The following IL1RAPL2 variants were observed in gnomAD, a reference collection of about 807,000 sequenced individuals.
IL1RAPL2 encodes the protein interleukin 1 receptor accessory protein like 2, also known as X-linked interleukin-1 receptor accessory protein-like 2.
Under a neutral mutation model 44.1 loss-of-function variants are expected in IL1RAPL2, and 3 were observed. That is an observed-to-expected ratio of 0.07 (90% CI 0.03 to 0.18). IL1RAPL2 has a LOEUF of 0.18. Ranked by LOEUF, IL1RAPL2 falls within the 10% of genes least tolerant of loss-of-function variation. The pLI is 1.00. For missense variants in IL1RAPL2, 391 were observed against 496.4 expected (o/e 0.79, Z 2.02); for synonymous variants, 181 against 178.8 (o/e 1.01, Z -0.10).
chrX:105,573,603 G>A (rs2037030216), intron 6 of IL1RAPL2, among the ~76,000 whole-genome samples: 1 of 110,817 alleles, frequency 9.0e-6, no homozygotes, highest in South Asian at 3.8e-4. Context: ...GGGGAGGAGT[G>A]TGAGATGACT....
rs907493224 is a variant in IL1RAPL2 at position 105,008,343 on chromosome X, C to G, written c.83-187132C>G. ...TAACATTGCCATGATGGCAACCCAG[C>G]TTTAACATGAGTTTTTAAGTGAACA... On this transcript the variant is annotated intron_variant, in intron 2 of 10. Transcript: ENST00000372582. Among the ~76,000 whole-genome samples, 3 of 111,619 alleles carry G rather than the reference C, an allele frequency of 2.7e-5. No homozygotes were observed. The East Asian group carries it at 8.5e-4, about 32-fold the overall frequency.
chrX:105,134,930 GA>G, intron 2 of IL1RAPL2, among the ~76,000 whole-genome samples: 1 of 108,993 alleles, frequency 9.2e-6, no homozygotes, highest in Admixed American at 9.9e-5. Context: ...TCTCCAACTA[GA>G]GTTTGCTATC....
intron 2 of IL1RAPL2, among the ~76,000 whole-genome samples, chrX:104,769,856 T>C (rs1378961049): frequency 8.9e-6 from 1 of 112,106 alleles, no homozygotes; most frequent in Non-Finnish European, 1.9e-5. Flanking sequence ...CTAAGCATCA[T>C]GGCTTGGTTT....
At chrX:105,363,875 A>G (rs2035272787) in intron 5 of IL1RAPL2, among the ~76,000 whole-genome samples, 1 of 110,738 alleles carries the variant, frequency 9.0e-6, no homozygotes, top group Non-Finnish European at 1.9e-5. Context: ...ATTGTTTGCA[A>G]ATATTTTCTC....
At chrX:104,723,243 G>T (rs1046978154) in intron 2 of IL1RAPL2, among the ~76,000 whole-genome samples, 6 of 111,620 alleles carry the variant, frequency 5.4e-5, no homozygotes, top group African/African-American at 1.9e-4. Context: ...AAGTTGAAGG[G>T]TGAAGTATCA....
At chrX:104,986,358 C>T (rs923840840) in intron 2 of IL1RAPL2, among the ~76,000 whole-genome samples, 7 of 112,156 alleles carry the variant, frequency 6.2e-5, no homozygotes, top group Non-Finnish European at 1.1e-4. Context: ...CAGAGTCTGG[C>T]ACACATTAAG....
intron 2 of IL1RAPL2, among the ~76,000 whole-genome samples, chrX:104,734,272 G>A (rs1326864171): frequency 2.7e-5 from 3 of 112,147 alleles, no homozygotes; most frequent in African/African-American, 9.7e-5. Context: ...TACTACTTCC[G>A]TACAACTGAG....
At chrX:105,272,575 T>C (rs1167321008) in intron 5 of IL1RAPL2, among the ~76,000 whole-genome samples, 2 of 112,059 alleles carry the variant, frequency 1.8e-5, no homozygotes, top group Non-Finnish European at 3.8e-5. Flanking sequence ...GGTAATCTCT[T>C]AACCCATTGG....
chrX:104,755,516 C>T (rs1388578204), intron 2 of IL1RAPL2, among the ~76,000 whole-genome samples: 3 of 110,286 alleles, frequency 2.7e-5, no homozygotes, highest in Admixed American at 1.9e-4. Context: ...ACCCCTGAAC[C>T]TAAAATTAAG....
At chrX:104,641,887 A>G (rs747483236) in intron 1 of IL1RAPL2, among the ~76,000 whole-genome samples, 1 of 111,642 alleles carries the variant, frequency 9.0e-6, no homozygotes, top group Non-Finnish European at 1.9e-5. Flanking sequence ...ACTATGCTTG[A>G]AAATGATGCC....
intron 2 of IL1RAPL2, among the ~76,000 whole-genome samples, chrX:104,796,852 C>T (rs1156331353): frequency 9.0e-6 from 1 of 111,432 alleles, no homozygotes; most frequent in African/African-American, 3.3e-5. Context: ...CTCACTGCAA[C>T]CTCCACCTCC....
chrX:105,486,180 G>A (rs1208585474), intron 6 of IL1RAPL2, among the ~76,000 whole-genome samples: 1 of 111,624 alleles, frequency 9.0e-6, no homozygotes, highest in African/African-American at 3.3e-5. Flanking sequence ...ATACCTCCTT[G>A]TAGTTTTTGG....
chrX:105,263,229 T>C (rs759665632), intron 4 of IL1RAPL2, among the ~76,000 whole-genome samples: 1 of 84,363 alleles, frequency 1.2e-5, no homozygotes, highest in Non-Finnish European at 2.3e-5. Flanking sequence ...TGTGGGAGAA[T>C]ACAGTCTCCA....
At chrX:105,083,356 G>A (rs1184997590) in intron 2 of IL1RAPL2, among the ~76,000 whole-genome samples, 1 of 111,696 alleles carries the variant, frequency 9.0e-6, no homozygotes, top group African/African-American at 3.3e-5. Flanking sequence ...CTGGGAGAAT[G>A]GAACCAAGTT....
intron 2 of IL1RAPL2, among the ~76,000 whole-genome samples, chrX:104,874,446 T>C (rs1012247377): frequency 1.8e-5 from 2 of 109,264 alleles, no homozygotes; most frequent in Non-Finnish European, 1.9e-5. Flanking sequence ...TTAGTTCCAA[T>C]GGCAATGCTC....
intron 2 of IL1RAPL2, among the ~76,000 whole-genome samples, chrX:104,927,380 T>C (rs998615761): frequency 9.0e-6 from 1 of 111,673 alleles, no homozygotes; most frequent in Non-Finnish European, 1.9e-5. Flanking sequence ...GTATTGTTGT[T>C]TAATTTTAGT....
At chrX:105,136,443 G>T (rs751579315) in intron 2 of IL1RAPL2, among the ~76,000 whole-genome samples, 1 of 112,228 alleles carries the variant, frequency 8.9e-6, no homozygotes, top group African/African-American at 3.2e-5. Context: ...TCATATTTTC[G>T]TGAGTCTTTG....
chrX:105,529,800 A>G lies in IL1RAPL2; in HGVS notation c.772+45413A>G, dbSNP rs1329452335. ...TCTTTATACTTTTTGACAATTCTAG[A>G]TATGGAACCATACAACATGTCCTTT... On this transcript the variant is annotated intron_variant, in intron 6 of 10. Coordinates refer to ENST00000372582, the MANE Select transcript of IL1RAPL2 (RefSeq NM_017416.2). Among the ~76,000 whole-genome samples the G allele has an allele frequency of 3.3e-4, 37 of 111,907 alleles. No homozygotes were observed. In the Admixed American group the frequency reaches 3.5e-3, roughly 11 times the overall value.
intron 1 of IL1RAPL2, among the ~76,000 whole-genome samples, chrX:104,581,387 T>C (rs752196566): frequency 3.0e-4 from 34 of 112,191 alleles, no homozygotes; most frequent in Non-Finnish European, 4.9e-4. Flanking sequence ...CAGAATTAGA[T>C]TAAATCTCAA....
Sources: allele counts gnomAD v4.1 joint callset (sites outside exome capture counted in the v4.1 genomes callset), GRCh38; gene constraint gnomAD v4.1.1; transcripts MANE v1.5; gene names NCBI Gene and HGNC (gene_info 2026-07-23, HGNC 2026-07-21).